Variants in TNRC6C observed in about 807,000 individuals in gnomAD.
TNRC6C encodes the protein trinucleotide repeat containing adaptor 6C.
In TNRC6C, 20 loss-of-function variants were observed where a neutral mutation model predicts 153.7. That is an observed-to-expected ratio of 0.13 (90% CI 0.09 to 0.19). TNRC6C has a LOEUF of 0.19. Among genes scored for constraint, TNRC6C ranks in the 10% least tolerant of loss-of-function variants. The probability of loss-of-function intolerance (pLI) is 1.00; values close to 1 mark genes in which losing one functional copy is unlikely to be tolerated. For missense variants in TNRC6C, 1,987 were observed against 2,172.0 expected (o/e 0.91, Z 1.69); for synonymous variants, 811 against 841.4 (o/e 0.96, Z 0.63).
chr17:78,029,679 A>G (rs1247334558), intron 1 of TNRC6C, among the ~76,000 whole-genome samples: 2 of 152,218 alleles, frequency 1.3e-5, no homozygotes, highest in Non-Finnish European at 2.9e-5. Flanking sequence ...CTCTTTCATA[A>G]TAACACTTAG....
At position 78,104,656 on chromosome 17, in the gene TNRC6C, C is replaced by T. The variant is rs755106217; in HGVS notation, c.4884C>T (p.Ser1628=). The stretch of plus-strand genomic sequence containing the variant: ...GCAGCTCCCATGGCCTGGTACGCAG[C>T]GACGCTGGCCACTGGAACGCCCCGT... Residue 1628 remains serine, a synonymous_variant, in exon 20 of 20, where the codon AGC becomes AGT. Transcript: ENST00000301624. The surrounding 1 kb of genome is among the most constrained non-coding windows in gnomAD (Gnocchi z 6.2). 17 of 1,544,182 alleles carry T rather than the reference C, an allele frequency of 1.1e-5. No individual in the cohort carries two copies. Among genetic ancestry groups the T allele is most frequent in the East Asian group, 4.9e-5 (2 of 40,880 alleles).
At chr17:78,083,313 T>TTA in intron 11 of TNRC6C, 147 bp downstream of exon 13, 1 of 1,138,734 alleles carries the variant, frequency 8.8e-7, no homozygotes, top group Non-Finnish European at 1.2e-6. Context: ...CTTCATGAGT[T>TTA]AGGGAGTTCT....
At chr17:77,978,065 T>G (rs1248088006) in intron 1 of TNRC6C, among the ~76,000 whole-genome samples, 2 of 151,854 alleles carry the variant, frequency 1.3e-5, no homozygotes, top group Non-Finnish European at 2.9e-5. Context: ...CCAGCTAATT[T>G]TTTTTGTATT....
At chr17:77,967,406 G>GT (rs2070906268) in intron 1 of TNRC6C, among the ~76,000 whole-genome samples, 1 of 152,164 alleles carries the variant, frequency 6.6e-6, no homozygotes, top group African/African-American at 2.4e-5. Context: ...TCATGCGGGG[G>GT]GGGAGAGAAG....
At position 78,036,449 on chromosome 17, in the gene TNRC6C, T is replaced by TA. The variant is rs1300068699; in HGVS notation, c.-219+4608dup. ...TCCTGTACTGTGCTAATGGAAAACT[T>TA]ACGTGTCCATTCCAGTAAACAGAGA... On this transcript the variant is annotated intron_variant, in intron 2 of 19. Transcript: ENST00000301624. Among the ~76,000 whole-genome samples the TA allele has an allele frequency of 3.7e-4, 56 of 152,170 alleles. 1 individual carries two copies. The highest frequency in any genetic ancestry group is 8.5e-4 in the Admixed American group (13 of 15,266).
chr17:77,972,357 C>T (rs761084722), intron 1 of TNRC6C, among the ~76,000 whole-genome samples: 62 of 151,974 alleles, frequency 4.1e-4, no homozygotes, highest in Non-Finnish European at 1.0e-4. Context: ...TACAAAAATA[C>T]AAAAATTAGC....
intron 1 of TNRC6C, among the ~76,000 whole-genome samples, chr17:77,996,552 C>T (rs2071331463): frequency 6.6e-6 from 1 of 152,146 alleles, no homozygotes; most frequent in Non-Finnish European, 1.5e-5. Flanking sequence ...TCATGCTCAC[C>T]CCTTGGTCAG....
intron 1 of TNRC6C, among the ~76,000 whole-genome samples, chr17:78,006,555 CTTCTTCCTTCTTCCTTCTTCCTT>C (rs1567910989): frequency 2.9e-4 from 17 of 58,698 alleles, no homozygotes; most frequent in African/African-American, 1.4e-3. Flanking sequence ...TCTTCTTCTT[CTTCTTCCTTCTTCCTTCTTCCTT>C]CTTCTTCCTT....
rs145576197 is a variant in TNRC6C at position 78,041,585 on chromosome 17, A to G, written c.-218-7260A>G. On this transcript the variant is annotated intron_variant, in intron 2 of 19. Coordinates refer to ENST00000301624, the Ensembl canonical transcript of TNRC6C. ...CTGCGTTTCATAATTCCTTGTATTT[A>G]TAGTAGTTGACAGATGAAATGTTTG... Among the ~76,000 whole-genome samples, 415 of 152,282 alleles carry G rather than the reference A, an allele frequency of 2.7e-3. 1 individual carries two copies. Among genetic ancestry groups the G allele is most frequent in the African/African-American group, 8.4e-3 (350 of 41,554 alleles).
At chr17:78,097,788 G>C in intron 16 of TNRC6C, 1 of 1,551,074 alleles carries the variant, frequency 6.4e-7, no homozygotes, top group Non-Finnish European at 8.7e-7. Context: ...TGCCTTCTTC[G>C]AGTGCCTGGC....
At chr17:77,971,373 TTCTC>T (rs2070938774) in intron 1 of TNRC6C, among the ~76,000 whole-genome samples, 1 of 152,136 alleles carries the variant, frequency 6.6e-6, no homozygotes, top group Non-Finnish European at 1.5e-5. Context: ...ATGATAAACT[TTCTC>T]TTCTCTATTC....
intron 1 of TNRC6C, among the ~76,000 whole-genome samples, chr17:78,018,547 G>T (rs2071773558): frequency 6.6e-6 from 1 of 152,118 alleles, no homozygotes; most frequent in East Asian, 1.9e-4. Context: ...GTTTGGGGGG[G>T]TGGAGCAAAT....
chr17:78,067,789 G>C (rs1243423782), exon 5 of TNRC6C: 3 of 1,613,436 alleles, frequency 1.9e-6, no homozygotes, highest in Non-Finnish European at 1.7e-6. Context: ...CTGGGGCAGT[G>C]GTGGGGATGA....
chr17:78,088,492 G>C (rs1197489169), intron 13 of TNRC6C, among the ~76,000 whole-genome samples: 2 of 151,872 alleles, frequency 1.3e-5, no homozygotes, highest in East Asian at 3.9e-4. Context: ...TAAGTGTTAG[G>C]ATTACAGGCC....
At chr17:78,050,179 C>G (rs1462641902) in exon 3 of TNRC6C, 1 of 1,557,648 alleles carries the variant, frequency 6.4e-7, no homozygotes. Context: ...CAGCCAGAAC[C>G]CTACCGTACA....
Position 78,049,940 on chromosome 17 carries a change from G to A in TNRC6C, c.878G>A (p.Ser293Asn), listed in dbSNP as rs779141993. Residue 293 changes from serine to asparagine, a missense_variant, in exon 3 of 20, where the codon AGT becomes AAT. Physicochemically the swap from Ser to Asn is conservative, Grantham distance 46 (BLOSUM62 1). This residue lies in a region of TNRC6C where 1,052 missense variants were observed against 1,017.0 expected (regional missense o/e 1.03). Coordinates refer to ENST00000301624, the Ensembl canonical transcript of TNRC6C. This position sits in a 1 kb window ranked among gnomAD's most constrained non-coding sequence, Gnocchi z 4.1. ...AGCAGTGCTGTGCAAAAGGAAGGAAGTGGAGGAAATGCTTGGGATTCAGGA... is the reference window on the plus strand; with the variant it reads ...AGCAGTGCTGTGCAAAAGGAAGGAAATGGAGGAAATGCTTGGGATTCAGGA... 1 of 1,613,960 alleles carries A rather than the reference G, an allele frequency of 6.2e-7. No individual in the cohort carries two copies. Among genetic ancestry groups the A allele is most frequent in the Admixed American group, 1.7e-5 (1 of 60,012 alleles).
chr17:78,090,365 G>A (rs114068298), intron 13 of TNRC6C, among the ~76,000 whole-genome samples: 48 of 152,296 alleles, frequency 3.2e-4, no homozygotes, highest in African/African-American at 1.1e-3. Flanking sequence ...ATGGGCATTT[G>A]AATTTGCAGC....
At chr17:78,065,052 C>A in intron 4 of TNRC6C, 115 bp downstream of exon 6, 2 of 1,250,070 alleles carry the variant, frequency 1.6e-6, no homozygotes, top group Non-Finnish European at 2.2e-6. Flanking sequence ...ACTTTAACTA[C>A]AAACCAAGAG....
At chr17:78,025,357 T>C (rs924762859) in intron 1 of TNRC6C, among the ~76,000 whole-genome samples, 3 of 152,232 alleles carry the variant, frequency 2.0e-5, no homozygotes, top group Non-Finnish European at 2.9e-5. Flanking sequence ...CATACTGTAC[T>C]TTCCTGATTG....
Sources: gnomAD v4.1 joint callset for allele counts (sites outside exome capture counted in the v4.1 genomes callset) on GRCh38, gnomAD v4.1.1 for gene constraint, gnomAD v4.1.1 regional missense constraint, Gnocchi (gnomAD v3.1) non-coding constraint, MANE v1.5 for transcripts, NCBI Gene and HGNC (gene_info 2026-07-23, HGNC 2026-07-21) for gene names.